Variants in SYVN1 observed in about 807,000 individuals in gnomAD.
SYVN1 encodes the protein synoviolin 1, also known as E3 ubiquitin-protein ligase synoviolin.
A neutral mutation model predicts 62.6 loss-of-function variants in SYVN1; 17 were observed. The ratio of observed to expected loss-of-function variants is 0.27; its 90% CI spans 0.19 to 0.41. The LOEUF (loss-of-function observed/expected upper bound fraction) is 0.41, where lower values mean the gene tolerates loss of function less well. SYVN1 is among the 10% of genes least tolerant of loss of function. SYVN1 has a pLI of 1.00. For missense variants in SYVN1, 634 were observed against 818.0 expected, an observed-to-expected ratio of 0.78 and a Z score of 2.74; for synonymous variants, 316 against 304.0, an observed-to-expected ratio of 1.04 and a Z score of -0.41.
chr11:65,133,326 C>T, intron 2 of SYVN1, 74 bp from the exon 3 acceptor site: 1 of 1,578,146 alleles, frequency 6.3e-7, no homozygotes, highest in African/African-American at 1.3e-5. Context: ...ATGCAGGATC[C>T]TCCACATCCT....
At chr11:65,132,586 C>T in intron 5 of SYVN1, 146 bp downstream of exon 5, 1 of 1,048,338 alleles carries the variant, frequency 9.5e-7, no homozygotes, top group Admixed American at 1.8e-5. Context: ...GTTGAGAAGC[C>T]CTAGAGTGGA....
intron 1 of SYVN1, chr11:65,134,239 C>T (rs1948218804): frequency 1.3e-5 from 2 of 149,650 alleles, no homozygotes; most frequent in African/African-American, 5.2e-5. Context: ...CCGGGTCGCC[C>T]TCGCGGCCGC....
chr11:65,128,354 C>T lies in SYVN1; in HGVS notation c.*28G>A. On this transcript the variant is annotated 3_prime_UTR_variant, in exon 16 of 16. Coordinates refer to ENST00000377190, the MANE Select transcript of SYVN1 (RefSeq NM_172230.3). ...TTCCAGCGAGGGCTGCTCAAAAGAG[C>T]AGAGGCTGGGGCTGGGCTGGGGCAG... The T allele has an allele frequency of 3.8e-6, 6 of 1,585,698 alleles. No homozygotes were observed. Among genetic ancestry groups the T allele is most frequent in the Non-Finnish European group, 5.2e-6 (6 of 1,160,892 alleles).
chr11:65,128,659 C>T lies in SYVN1; in HGVS notation c.1651G>A (p.Val551Ile), dbSNP rs1428881889. The change falls in exon 15 of 16, where the codon GTT becomes ATT. Residue 551 changes from valine (V) to isoleucine (I), a missense_variant. This residue lies in a region of SYVN1 where 351 missense variants were observed against 373.3 expected (regional missense o/e 0.94). Coordinates refer to ENST00000377190, the MANE Select transcript of SYVN1 (RefSeq NM_172230.3). ...NSTEETATTV[V>I]AAASSTSIPS... ...ATGCTGGTGGAGGAGGCAGCAGCAACAACTGTAGTGGCAGTCTCCTCAGTG... is the reference window on the plus strand; with the variant it reads ...ATGCTGGTGGAGGAGGCAGCAGCAATAACTGTAGTGGCAGTCTCCTCAGTG... 1.2e-6 allele frequency: 2 copies of T among 1,613,960 alleles called. No individual in the cohort carries two copies. The highest frequency in any genetic ancestry group is 1.7e-6 in the Non-Finnish European group (2 of 1,179,928).
chr11:65,133,806 C>G lies in SYVN1; in HGVS notation c.-17-188G>C, dbSNP rs1249883974. ...GACTCGAAGGGGTTAAGTGATCACACTGACGCAAGGCCTGGAACCTGGGTC... is the reference window on the plus strand; with the variant it reads ...GACTCGAAGGGGTTAAGTGATCACAGTGACGCAAGGCCTGGAACCTGGGTC... On this transcript the variant is annotated intron_variant, in intron 1 of 15. Transcript: ENST00000377190. Among the ~76,000 whole-genome samples, 3 of 152,254 alleles carry G rather than the reference C, an allele frequency of 2.0e-5. No homozygotes were observed. The East Asian group carries it at 5.8e-4, about 29-fold the overall frequency.
Position 65,129,002 on chromosome 11 carries a change from GACTC to G in SYVN1, c.1596-292_1596-289del, listed in dbSNP as rs1948140504. ...CTGGGGAGTCAGGCACCTTATAGGG[GACTC>G]ACTCAATAAGCCACAGTGCTCGAGC... On this transcript the variant is annotated intron_variant, in intron 14 of 15. Transcript: ENST00000377190. 1.0e-5 allele frequency: 4 copies of G among 387,252 alleles called. No homozygotes were observed. The South Asian group carries it at 1.3e-4, about 12-fold the overall frequency. The allele number at this position is 387,252 out of a possible 1,614,324, so 24.0% of individuals were successfully genotyped here.
chr11:65,130,437 G>C (rs573936495), intron 11 of SYVN1, 58 bp from the exon 12 acceptor site: 3 of 1,487,654 alleles, frequency 2.0e-6, no homozygotes, highest in Non-Finnish European at 2.7e-6. Flanking sequence ...CCAACTCCCA[G>C]GCAGGGGGCC....
intron 1 of SYVN1, among the ~76,000 whole-genome samples, chr11:65,134,015 C>A (rs532739929): frequency 1.3e-5 from 2 of 152,246 alleles, no homozygotes; most frequent in African/African-American, 2.4e-5. Flanking sequence ...GCAGCCAGGG[C>A]TGAGAGCAGC....
intron 6 of SYVN1, 42 bp from the exon 7 acceptor site, chr11:65,131,638 C>T (rs1377905680): frequency 1.2e-6 from 2 of 1,602,920 alleles, no homozygotes; most frequent in African/African-American, 2.7e-5. Context: ...ACACATAGCT[C>T]CCCCTTGCTG....
chr11:65,131,407 C>T (rs1948178400), intron 7 of SYVN1, 34 bp from the exon 8 acceptor site: 1 of 1,613,802 alleles, frequency 6.2e-7, no homozygotes, highest in African/African-American at 1.3e-5. Context: ...CAGCAGGTCA[C>T]AGGGCCAGGA....
intron 6 of SYVN1, among the ~76,000 whole-genome samples, chr11:65,131,867 T>TAGGG (rs1948184712): frequency 6.6e-6 from 1 of 152,202 alleles, no homozygotes; most frequent in South Asian, 2.1e-4. Flanking sequence ...GAGCTCAGCA[T>TAGGG]AGGGCCTGGT....
At chr11:65,128,805 TA>T in intron 14 of SYVN1, 91 bp from the exon 15 acceptor site, 1 of 1,342,140 alleles carries the variant, frequency 7.5e-7, no homozygotes, top group African/African-American at 1.5e-5. Flanking sequence ...CAGAACAGAG[TA>T]TAGAATGATG....
rs775248432 is a variant in SYVN1 at position 65,129,988 on chromosome 11, G to A, written c.1408+14C>T. ...CTCACCCCCAAGAAGAACCCAGAGA[G>A]TGGCCCAGCTTACCAAAGGGTGGAG... On this transcript the variant is annotated intron_variant, in intron 13 of 15. Transcript: ENST00000377190. 23 of 1,595,196 alleles carry A rather than the reference G, an allele frequency of 1.4e-5. No individual in the cohort carries two copies. Among genetic ancestry groups the A allele is most frequent in the Non-Finnish European group, 2.0e-5 (23 of 1,167,852 alleles).
In SYVN1 at chr11:65,128,475, C is replaced by T; in HGVS notation, c.1761G>A (p.Val587=). The change falls in exon 16 of 16, where the codon GTG becomes GTA. Residue 587 remains valine (V), a synonymous_variant. Coordinates refer to ENST00000377190, the MANE Select transcript of SYVN1 (RefSeq NM_172230.3). ...EMERPPAPES[V]GTEEMPEDGE... ...CATCCTCAGGCATCTCCTCTGTGCC[C>T]ACTGACTCAGGAGCTGGGGACAGAG... 6.2e-7 allele frequency: 1 copy of T among 1,614,100 alleles called. No individual in the cohort carries two copies. The highest frequency in any genetic ancestry group is 1.3e-5 in the African/African-American group (1 of 75,062).
chr11:65,129,267 G>C, intron 14 of SYVN1: 1 of 171,536 alleles, frequency 5.8e-6, no homozygotes, highest in Non-Finnish European at 1.3e-5. Context: ...TTATGAATAT[G>C]AATTAAGACC....
chr11:65,132,849 C>A (rs1448244186), intron 4 of SYVN1, 69 bp from the exon 5 acceptor site: 2 of 1,613,262 alleles, frequency 1.2e-6, no homozygotes, highest in African/African-American at 2.7e-5. Context: ...ACCTAGCCCT[C>A]CCTGCTCCTT....
At chr11:65,130,483 C>T in intron 11 of SYVN1, 104 bp from the exon 12 acceptor site, 1 of 1,422,704 alleles carries the variant, frequency 7.0e-7, no homozygotes, top group Non-Finnish European at 9.3e-7. Flanking sequence ...CCCACAGGCC[C>T]TCAGCCCAGC....
chr11:65,129,761 G>A lies in SYVN1; in HGVS notation c.1563C>T (p.Ile521=). Residue 521 remains isoleucine (I), a synonymous_variant, in exon 14 of 16, where the codon ATC becomes ATT. Transcript: ENST00000377190. ...AGGCCAGCACGGTGAGGTACTGGTT[G>A]ATCTGCAGCATGGCGGCGTCCAGCA... ...HTLLDAAMLQ[I]NQYLTVLASL... The A allele has an allele frequency of 1.2e-6, 2 of 1,614,260 alleles. No homozygotes were observed. Among genetic ancestry groups the A allele is most frequent in the East Asian group, 2.2e-5 (1 of 44,886 alleles).
At chr11:65,128,537 C>T (rs987769603) in intron 15 of SYVN1, 26 bp downstream of exon 15, 58 of 1,613,218 alleles carry the variant, frequency 3.6e-5, no homozygotes, top group Non-Finnish European at 4.9e-5. Flanking sequence ...TCCCTGCTCC[C>T]CCGGCTGGAG....
Sources: allele counts gnomAD v4.1 joint callset (sites outside exome capture counted in the v4.1 genomes callset), GRCh38; gene constraint gnomAD v4.1.1; regional missense constraint gnomAD v4.1.1; transcripts MANE v1.5; gene names NCBI Gene and HGNC (gene_info 2026-07-23, HGNC 2026-07-21).